Variants in NINJ2 observed in about 807,000 individuals in gnomAD.
The protein encoded by NINJ2 is ninjurin-2.
A neutral mutation model predicts 11.7 loss-of-function variants in NINJ2; 12 were observed. That is an observed-to-expected ratio of 1.02 (90% confidence interval 0.66 to 1.66). NINJ2 has a LOEUF of 1.66. NINJ2 is among the 40% of genes most tolerant of loss of function. NINJ2 has a pLI of 0.00. For missense variants in NINJ2, 187 were observed against 181.8 expected, an observed-to-expected ratio of 1.03 and a Z score of -0.16; for synonymous variants, 93 against 76.8, an observed-to-expected ratio of 1.21 and a Z score of -1.10.
At position 609,088 on chromosome 12, in the gene NINJ2, G is replaced by T. The variant is rs899622691; in HGVS notation, c.34-42910C>A. ...CGCACACGCACGGCGCCACGCTAGGGGCTGAACGCACGCACGGCGCCACGC... is the reference window on the plus strand; with the variant it reads ...CGCACACGCACGGCGCCACGCTAGGTGCTGAACGCACGCACGGCGCCACGC... On this transcript the variant is annotated intron_variant, in intron 1 of 3. Transcript: ENST00000305108. 1.8e-3 allele frequency among the ~76,000 whole-genome samples: 229 copies of T among 126,050 alleles called. 4 individuals are homozygous for T. Among genetic ancestry groups the T allele is most frequent in the African/African-American group, 7.0e-3 (216 of 30,736 alleles). 82.7% of individuals were successfully genotyped at this position (126,050 alleles called of 152,430 possible).
chr12:610,921 G>C (rs1328400631), intron 1 of NINJ2, among the ~76,000 whole-genome samples: 4 of 151,888 alleles, frequency 2.6e-5, no homozygotes, highest in African/African-American at 9.7e-5. Context: ...TTTTAGTAGA[G>C]ACGGGGTTTC....
chr12:643,367 G>C, intron 1 of NINJ2: 1 of 893,880 alleles, frequency 1.1e-6, no homozygotes, highest in East Asian at 1.2e-4. Context: ...GCGTTCCTGA[G>C]TCCGCGGAGG....
intron 1 of NINJ2, among the ~76,000 whole-genome samples, chr12:587,733 G>A (rs1411224498): frequency 1.3e-5 from 2 of 152,188 alleles, no homozygotes; most frequent in African/African-American, 4.8e-5. Context: ...TCACAGGCAG[G>A]TCACCAGGAT....
chr12:660,589 T>G (rs2120552438), intron 1 of NINJ2, among the ~76,000 whole-genome samples: 1 of 152,054 alleles, frequency 6.6e-6, no homozygotes, highest in East Asian at 2.0e-4. Flanking sequence ...TCCGCCCACC[T>G]CAGACTCCCA....
At chr12:620,687 T>C (rs558649531) in intron 1 of NINJ2, among the ~76,000 whole-genome samples, 23 of 152,342 alleles carry the variant, frequency 1.5e-4, no homozygotes, top group Non-Finnish European at 2.6e-4. Flanking sequence ...TGGAGTGCAG[T>C]GGCGCAATCT....
rs536061516 is a variant in NINJ2 at position 566,187 on chromosome 12, G to C, written c.34-9C>G. ...GGGTCGGAGCTTCCAGGCTGTAGGG[G>C]AGAAAGCACAGACTTACCAAGGGGA... On this transcript the variant is annotated splice_polypyrimidine_tract_variant and intron_variant, in intron 1 of 3. Coordinates refer to ENST00000305108, the MANE Select transcript of NINJ2 (RefSeq NM_016533.6). 3.7e-6 allele frequency: 6 copies of C among 1,609,432 alleles called. No homozygotes were observed. The South Asian group carries it at 5.5e-5, about 15-fold the overall frequency.
intron 1 of NINJ2, among the ~76,000 whole-genome samples, chr12:598,722 C>T (rs956299169): frequency 6.6e-6 from 1 of 151,740 alleles, no homozygotes; most frequent in Non-Finnish European, 1.5e-5. Flanking sequence ...TTTTTTGAGA[C>T]AGGATCTTTC....
intron 1 of NINJ2, among the ~76,000 whole-genome samples, chr12:596,343 G>A (rs1366742809): frequency 6.6e-6 from 1 of 152,188 alleles, no homozygotes; most frequent in Non-Finnish European, 1.5e-5. Flanking sequence ...AACAGCAGGA[G>A]TGAACTCTGT....
At chr12:645,503 A>G (rs942148382) in intron 1 of NINJ2, 2 of 152,234 alleles carry the variant, frequency 1.3e-5, no homozygotes, top group African/African-American at 4.8e-5. Flanking sequence ...ATTTTCATCA[A>G]TCTTCTGAGA....
At chr12:646,140 T>C (rs544420468) in intron 1 of NINJ2, among the ~76,000 whole-genome samples, 2 of 152,340 alleles carry the variant, frequency 1.3e-5, no homozygotes, top group Non-Finnish European at 2.9e-5. Context: ...TACTGATTTC[T>C]TGGACCTTGA....
chr12:616,312 C>G (rs1460919579), intron 1 of NINJ2, among the ~76,000 whole-genome samples: 1 of 152,158 alleles, frequency 6.6e-6, no homozygotes, highest in Admixed American at 6.6e-5. Flanking sequence ...ACTGAGTAAC[C>G]AGGTTGTGTC....
chr12:565,964 A>G lies in NINJ2; in HGVS notation c.248T>C (p.Leu83Pro). Residue 83 changes from leucine to proline, a missense_variant, in exon 2 of 4, where the codon CTG becomes CCG. Physicochemically the swap from Leu to Pro is moderately conservative, Grantham distance 98 (BLOSUM62 -3). Transcript: ENST00000305108. ...GGGCTCCTCACCAATGACCACGAGC[A>G]GGACACCGATGACCACCTGCAGGAG... Reference protein sequence around the residue: ...SLLLQVVIGVLLVVIARLNLN... With the variant: ...SLLLQVVIGVPLVVIARLNLN... 1 of 1,614,196 alleles carries G rather than the reference A, an allele frequency of 6.2e-7. No homozygotes were observed. The highest frequency in any genetic ancestry group is 8.5e-7 in the Non-Finnish European group (1 of 1,180,000).
chr12:605,757 T>C (rs1470856451), intron 1 of NINJ2, among the ~76,000 whole-genome samples: 1 of 152,216 alleles, frequency 6.6e-6, no homozygotes, highest in Admixed American at 6.5e-5. Context: ...ATGGGTTCTA[T>C]ATTAATATGG....
chr12:612,994 GA>G (rs1948052728), intron 1 of NINJ2, among the ~76,000 whole-genome samples: 1 of 152,312 alleles, frequency 6.6e-6, no homozygotes, highest in East Asian at 1.9e-4. Flanking sequence ...GAATCAGGGT[GA>G]AAGGGACAAA....
chr12:577,795 G>A lies in NINJ2; in HGVS notation c.34-11617C>T, dbSNP rs973494157. Among the ~76,000 whole-genome samples the A allele has an allele frequency of 2.0e-5, 3 of 151,772 alleles. No individual in the cohort carries two copies. The South Asian group carries it at 6.3e-4, about 32-fold the overall frequency. On this transcript the variant is annotated intron_variant, in intron 1 of 3. Transcript: ENST00000305108. Reference sequence around the variant, plus strand: ...AAGTCTCAAACTCCTGAGTTCAAGCGATTCTCCCACCTCAGCCTCCCAAAC... The same window carrying A: ...AAGTCTCAAACTCCTGAGTTCAAGCAATTCTCCCACCTCAGCCTCCCAAAC...
chr12:621,373 G>A (rs937831244), intron 1 of NINJ2, among the ~76,000 whole-genome samples: 4 of 151,840 alleles, frequency 2.6e-5, no homozygotes, highest in Admixed American at 6.6e-5. Flanking sequence ...AGAATTGCTT[G>A]ATCCTGAGAG....
chr12:663,285 C>T, intron 1 of NINJ2, 43 bp downstream of exon 1: 1 of 1,578,090 alleles, frequency 6.3e-7, no homozygotes, highest in Non-Finnish European at 8.7e-7. Flanking sequence ...AGCTTCACCT[C>T]TACTCCCGGT....
chr12:635,843 G>A (rs1209559641), intron 1 of NINJ2, among the ~76,000 whole-genome samples: 3 of 152,272 alleles, frequency 2.0e-5, no homozygotes, highest in Non-Finnish European at 2.9e-5. Flanking sequence ...GGGAGGCCGA[G>A]GCGGGCAGAT....
intron 1 of NINJ2, among the ~76,000 whole-genome samples, chr12:635,653 C>T (rs1258985164): frequency 6.6e-6 from 1 of 152,186 alleles, no homozygotes; most frequent in African/African-American, 2.4e-5. Flanking sequence ...GGGGAAAAAT[C>T]TTCATGACAT....
Sources: allele counts gnomAD v4.1 joint callset (sites outside exome capture counted in the v4.1 genomes callset), GRCh38; gene constraint gnomAD v4.1.1; transcripts MANE v1.5; gene names NCBI Gene and HGNC (gene_info 2026-07-23, HGNC 2026-07-21).